ANO4: variants seen among roughly 807,000 people sequenced by gnomAD.
ANO4 encodes anoctamin 4, also known as anoctamin-4.
In ANO4, 69 loss-of-function variants were observed where a neutral mutation model predicts 141.9. That is an observed-to-expected ratio of 0.49 (90% CI 0.40 to 0.59). The LOEUF (loss-of-function observed/expected upper bound fraction) is 0.59, where lower values mean the gene tolerates loss of function less well. Among genes scored for constraint, ANO4 ranks in the 20% least tolerant of loss-of-function variants. The pLI is 0.00. For missense variants in ANO4, 894 were observed against 1,162.2 expected (o/e 0.77, Z 3.36); for synonymous variants, 350 against 394.3 (o/e 0.89, Z 1.33).
chr12:100,787,597 T>A (rs1042090743), intron 3 of ANO4, among the ~76,000 whole-genome samples: 1 of 152,126 alleles, frequency 6.6e-6, no homozygotes, highest in Non-Finnish European at 1.5e-5. Flanking sequence ...GGAGGCTGCT[T>A]CTGAGACTAT....
intron 17 of ANO4, among the ~76,000 whole-genome samples, 154 bp from the exon 18 acceptor site, chr12:101,094,102 T>G (rs1011657406): frequency 2.6e-5 from 4 of 152,102 alleles, no homozygotes; most frequent in Non-Finnish European, 1.5e-5. Flanking sequence ...ACTCCAAGAG[T>G]CTGAGATTTC....
intron 1 of ANO4, among the ~76,000 whole-genome samples, chr12:100,820,773 G>T (rs2060709335): frequency 1.3e-5 from 2 of 152,050 alleles, no homozygotes; most frequent in African/African-American, 4.8e-5. Context: ...GCAATGCTGG[G>T]TTGCAATGTT....
intron 2 of ANO4, among the ~76,000 whole-genome samples, chr12:100,913,086 AT>A (rs546739343): frequency 1.3e-5 from 2 of 151,762 alleles, no homozygotes; most frequent in African/African-American, 4.8e-5. Flanking sequence ...TAACAACATT[AT>A]TTTTTTTCTA....
intron 5 of ANO4, among the ~76,000 whole-genome samples, chr12:100,966,906 T>C (rs796180226): frequency 1.2e-4 from 15 of 130,196 alleles, no homozygotes; most frequent in Non-Finnish European, 2.0e-4. Flanking sequence ...CACACACACA[T>C]ACATATATAT....
At chr12:100,890,284 C>T (rs970806651) in intron 1 of ANO4, among the ~76,000 whole-genome samples, 2 of 152,078 alleles carry the variant, frequency 1.3e-5, no homozygotes, top group Admixed American at 6.5e-5. Flanking sequence ...AGAATATGCA[C>T]GAATATCCAT....
At chr12:101,004,362 G>C (rs1255829555) in intron 8 of ANO4, among the ~76,000 whole-genome samples, 1 of 150,364 alleles carries the variant, frequency 6.7e-6, no homozygotes, top group Non-Finnish European at 1.5e-5. Flanking sequence ...GGCCCTCAAG[G>C]ATATGGGGCA....
intron 26 of ANO4, among the ~76,000 whole-genome samples, chr12:101,121,474 G>A (rs2051089947): frequency 2.0e-5 from 3 of 151,914 alleles, no homozygotes; most frequent in Admixed American, 2.0e-4. Flanking sequence ...TTCTCTATCT[G>A]GTCCACCATT....
At chr12:100,719,676 C>T (rs1273847941) in intron 1 of ANO4, among the ~76,000 whole-genome samples, 1 of 152,140 alleles carries the variant, frequency 6.6e-6, no homozygotes, top group African/African-American at 2.4e-5. Context: ...ACACTGTAGA[C>T]CATGTGTTTT....
intron 22 of ANO4, among the ~76,000 whole-genome samples, chr12:101,103,758 A>T (rs2050302854): frequency 6.6e-6 from 1 of 151,810 alleles, no homozygotes; most frequent in East Asian, 1.9e-4. Context: ...CTTTAAAATG[A>T]TTGGGTAATT....
chr12:101,096,014 A>G (rs1426266541), intron 18 of ANO4, among the ~76,000 whole-genome samples: 1 of 152,196 alleles, frequency 6.6e-6, no homozygotes, highest in East Asian at 1.9e-4. Flanking sequence ...GTCCATGAGA[A>G]TGGAAAATGG....
At chr12:100,972,042 G>A (rs2043957597) in intron 6 of ANO4, among the ~76,000 whole-genome samples, 1 of 152,168 alleles carries the variant, frequency 6.6e-6, no homozygotes, top group South Asian at 2.1e-4. Flanking sequence ...ATGGAAAAGT[G>A]ATCTGCATTT....
chr12:100,947,297 G>A (rs1441072784), intron 5 of ANO4, among the ~76,000 whole-genome samples: 1 of 150,958 alleles, frequency 6.6e-6, no homozygotes, highest in Non-Finnish European at 1.5e-5. Context: ...AAATGTCCTT[G>A]AAGCAATAAG....
intron 14 of ANO4, among the ~76,000 whole-genome samples, chr12:101,072,621 A>G (rs1181900010): frequency 6.6e-6 from 1 of 152,192 alleles, no homozygotes; most frequent in African/African-American, 2.4e-5. Flanking sequence ...GCTTCTGCAC[A>G]GCAAAAGAAA....
intron 14 of ANO4, among the ~76,000 whole-genome samples, chr12:101,048,895 A>T (rs1010721168): frequency 1.3e-5 from 2 of 152,216 alleles, no homozygotes; most frequent in African/African-American, 4.8e-5. Context: ...TGATGGAAAC[A>T]GTCAAATATT....
chr12:100,968,227 G>A (rs1284051383), intron 5 of ANO4, among the ~76,000 whole-genome samples: 1 of 151,992 alleles, frequency 6.6e-6, no homozygotes, highest in Non-Finnish European at 1.5e-5. Flanking sequence ...TTCAGTATGT[G>A]TTCAGATAAT....
intron 9 of ANO4, 122 bp downstream of exon 9, chr12:101,020,262 A>G: frequency 1.5e-6 from 1 of 649,496 alleles, no homozygotes. Context: ...ACCCCTAACT[A>G]ATCCTTTGAT....
chr12:100,881,559 T>C (rs1006869505), intron 1 of ANO4, among the ~76,000 whole-genome samples: 1 of 152,188 alleles, frequency 6.6e-6, no homozygotes. Flanking sequence ...TGGATTGTGA[T>C]GGTATCTGGT....
intron 1 of ANO4, among the ~76,000 whole-genome samples, chr12:100,837,886 A>G (rs938673478): frequency 4.6e-5 from 7 of 152,170 alleles, no homozygotes; most frequent in African/African-American, 1.7e-4. Context: ...TACAAACATC[A>G]TAGATGCCAT....
At chr12:100,733,744 T>C in intron 1 of ANO4, 1 of 694,476 alleles carries the variant, frequency 1.4e-6, no homozygotes, top group Non-Finnish European at 2.6e-6. Flanking sequence ...AAGTTATAAT[T>C]AACCTTCTTG....
Sources: gnomAD v4.1 joint callset for allele counts (sites outside exome capture counted in the v4.1 genomes callset) on GRCh38, gnomAD v4.1.1 for gene constraint, MANE v1.5 for transcripts, NCBI Gene and HGNC (gene_info 2026-07-23, HGNC 2026-07-21) for gene names.